Variants in CWC25 observed in about 807,000 individuals in gnomAD.
The protein encoded by CWC25 is pre-mRNA-splicing factor CWC25 homolog.
CWC25 carries 31 observed loss-of-function variants against 54.6 expected under a neutral mutation model. The ratio of observed to expected loss-of-function variants is 0.57; its 90% confidence interval spans 0.43 to 0.77. The LOEUF is 0.77. Among genes scored for constraint, CWC25 ranks in the 30% least tolerant of loss-of-function variants. The pLI is 0.00. For missense variants in CWC25, 453 were observed against 529.3 expected, an observed-to-expected ratio of 0.86 and a Z score of 1.41; for synonymous variants, 151 against 187.0, an observed-to-expected ratio of 0.81 and a Z score of 1.57.
chr17:38,823,700 G>A (rs1407821578), intron 1 of CWC25, among the ~76,000 whole-genome samples: 2 of 151,950 alleles, frequency 1.3e-5, no homozygotes, highest in African/African-American at 2.4e-5. Flanking sequence ...CCATCCTTCC[G>A]TCCTTCCTCC....
intron 1 of CWC25, among the ~76,000 whole-genome samples, chr17:38,823,699 C>T (rs948971102): frequency 6.6e-6 from 1 of 152,100 alleles, no homozygotes; most frequent in African/African-American, 2.4e-5. Context: ...TCCATCCTTC[C>T]GTCCTTCCTC....
intron 1 of CWC25, 37 bp downstream of exon 1, chr17:38,825,129 C>T (rs760674184): frequency 8.1e-6 from 12 of 1,483,082 alleles, no homozygotes; most frequent in Middle Eastern, 3.6e-4. Flanking sequence ...TCCGTCCCGG[C>T]CTCAGTCCTC....
Position 38,820,706 on chromosome 17 carries a change from C to T in CWC25, c.191+195G>A, listed in dbSNP as rs371722856. Among the ~76,000 whole-genome samples, 6 of 152,308 alleles carry T rather than the reference C, an allele frequency of 3.9e-5. No individual in the cohort carries two copies. The East Asian group carries it at 7.7e-4, about 20-fold the overall frequency. ...TGGGTATTATTACTCCCTGGTCCTA[C>T]TGAAGTAACCAAGTCTCTCAAATTT... On this transcript the variant is annotated intron_variant, in intron 2 of 9. Transcript: ENST00000614790.
rs371555510 is a variant in CWC25 at position 38,825,227 on chromosome 17, G to C, written c.-44C>G. On this transcript the variant is annotated 5_prime_UTR_variant, in exon 1 of 10. Coordinates refer to ENST00000614790, the MANE Select transcript of CWC25 (RefSeq NM_017748.5). ...TCACTACGCGGATCTGGAAGATTTCGGGAGGATCAAGAGAAAACGTAGAGA... is the reference window on the plus strand; with the variant it reads ...TCACTACGCGGATCTGGAAGATTTCCGGAGGATCAAGAGAAAACGTAGAGA... The C allele has an allele frequency of 6.4e-7, 1 of 1,574,642 alleles. No homozygotes were observed. Among genetic ancestry groups the C allele is most frequent in the Non-Finnish European group, 8.6e-7 (1 of 1,161,164 alleles).
At chr17:38,817,158 G>A (rs975565535) in intron 2 of CWC25, among the ~76,000 whole-genome samples, 1 of 151,056 alleles carries the variant, frequency 6.6e-6, no homozygotes, top group African/African-American at 2.4e-5. Context: ...GGCCAACACA[G>A]TGAAACCCCG....
intron 9 of CWC25, 147 bp downstream of exon 9, chr17:38,802,553 T>C (rs1911068436): frequency 1.3e-6 from 1 of 780,218 alleles, no homozygotes; most frequent in Admixed American, 3.0e-5. Context: ...TCCCACTGTG[T>C]GGTCAGAAAG....
At chr17:38,812,889 C>T (rs774434509) in intron 3 of CWC25, 25 bp from the exon 4 acceptor site, 9 of 1,295,882 alleles carry the variant, frequency 6.9e-6, no homozygotes, top group Non-Finnish European at 9.8e-6. Context: ...TTACAAAATT[C>T]ATGACTATTT....
At chr17:38,823,811 A>G (rs1250059628) in intron 1 of CWC25, among the ~76,000 whole-genome samples, 1 of 152,120 alleles carries the variant, frequency 6.6e-6, no homozygotes, top group Non-Finnish European at 1.5e-5. Flanking sequence ...TTCTGGAGTC[A>G]TTTTTGGCTG....
chr17:38,823,443 C>T (rs1417037839), intron 1 of CWC25, among the ~76,000 whole-genome samples: 1 of 151,268 alleles, frequency 6.6e-6, no homozygotes, highest in Non-Finnish European at 1.5e-5. Context: ...AGGCATGAGC[C>T]ACTGCACCTG....
chr17:38,808,155 C>T (rs1408159341), intron 6 of CWC25, among the ~76,000 whole-genome samples: 1 of 138,490 alleles, frequency 7.2e-6, no homozygotes, highest in South Asian at 2.3e-4. Flanking sequence ...GAGGCCAAGA[C>T]GGGCAGATCA....
chr17:38,807,322 CAAAAA>C (rs57710053), intron 6 of CWC25, among the ~76,000 whole-genome samples: 1 of 56,550 alleles, frequency 1.8e-5, no homozygotes, highest in Non-Finnish European at 3.5e-5. Context: ...GACTCCGTCT[CAAAAA>C]AAAAAAAAAA....
At chr17:38,820,347 G>A (rs1911873243) in intron 2 of CWC25, among the ~76,000 whole-genome samples, 1 of 152,114 alleles carries the variant, frequency 6.6e-6, no homozygotes, top group Non-Finnish European at 1.5e-5. Context: ...GATGGATGGG[G>A]TAGTTATTAT....
At chr17:38,819,533 ATTTTTTTTTT>A (rs779646563) in intron 2 of CWC25, among the ~76,000 whole-genome samples, 68 of 137,260 alleles carry the variant, frequency 5.0e-4, no homozygotes, top group Non-Finnish European at 9.1e-4. Context: ...CGCCCAGTTA[ATTTTTTTTTT>A]TTTTTTTTAG....
At chr17:38,804,653 C>T (rs1911156367) in intron 8 of CWC25, among the ~76,000 whole-genome samples, 1 of 150,656 alleles carries the variant, frequency 6.6e-6, no homozygotes, top group South Asian at 2.1e-4. Context: ...CTAAAATATA[C>T]AAAAATTAGC....
chr17:38,823,839 G>A (rs975342489), intron 1 of CWC25, among the ~76,000 whole-genome samples: 38 of 152,278 alleles, frequency 2.5e-4, no homozygotes, highest in African/African-American at 8.4e-4. Context: ...TGGTGGAGAC[G>A]GGTGTTAGTG....
At chr17:38,812,748 T>C in intron 4 of CWC25, 47 bp downstream of exon 4, 1 of 1,115,948 alleles carries the variant, frequency 9.0e-7, no homozygotes, top group Non-Finnish European at 1.3e-6. Flanking sequence ...GTTCTCACGT[T>C]ATATGGCTAA....
Position 38,802,172 on chromosome 17 carries a change from G to C in CWC25, c.1198C>G (p.Leu400Val). ...ATATTCCGCTTCACCCGATCCTCCAGGGAGGAAGTAGATGCACTCTCCAGC... is the reference window on the plus strand; with the variant it reads ...ATATTCCGCTTCACCCGATCCTCCACGGAGGAAGTAGATGCACTCTCCAGC... ...MKLESASTSS[L>V]EDRVKRNIYS... The change falls in exon 10 of 10, where the codon CTG becomes GTG. Residue 400 changes from leucine (L) to valine (V), a missense_variant. Leu to Val is a conservative substitution (Grantham distance 32, BLOSUM62 1). Around this residue, in one of 2 missense-constraint regions of CWC25, gnomAD observed 444 missense variants for 499.2 expected, o/e 0.89. Coordinates refer to ENST00000614790, the MANE Select transcript of CWC25 (RefSeq NM_017748.5). 6.2e-7 allele frequency: 1 copy of C among 1,613,812 alleles called. No individual in the cohort carries two copies.
At chr17:38,809,790 C>A (rs757026918) in intron 5 of CWC25, 25 bp from the exon 6 acceptor site, 2 of 1,605,152 alleles carry the variant, frequency 1.2e-6, no homozygotes, top group Middle Eastern at 1.7e-4. Flanking sequence ...TACACACACT[C>A]ATTGAAAAAG....
chr17:38,803,029 C>T (rs966519556), intron 8 of CWC25, among the ~76,000 whole-genome samples, 168 bp from the exon 9 acceptor site: 1 of 152,156 alleles, frequency 6.6e-6, no homozygotes, highest in African/African-American at 2.4e-5. Context: ...GAGGTTTCAT[C>T]CAAATTTCAA....
Sources: gnomAD v4.1 joint callset for allele counts (sites outside exome capture counted in the v4.1 genomes callset) on GRCh38, gnomAD v4.1.1 for gene constraint, gnomAD v4.1.1 regional missense constraint, MANE v1.5 for transcripts, NCBI Gene and HGNC (gene_info 2026-07-23, HGNC 2026-07-21) for gene names.